The following ANKRD44 variants were observed in gnomAD, a reference collection of about 807,000 sequenced individuals.
ANKRD44 encodes ankyrin repeat domain 44, also known as serine/threonine-protein phosphatase 6 regulatory ankyrin repeat subunit B.
Under a neutral mutation model 116.0 loss-of-function variants are expected in ANKRD44, and 35 were observed. The ratio of observed to expected loss-of-function variants is 0.30; its 90% CI spans 0.23 to 0.40. The LOEUF (loss-of-function observed/expected upper bound fraction) is 0.40. Among genes scored for constraint, ANKRD44 ranks in the 10% least tolerant of loss-of-function variants. ANKRD44 has a pLI of 1.00. For synonymous variants in ANKRD44, 435 were observed against 461.8 expected (o/e 0.94, Z 0.74); for missense variants, 1,014 against 1,242.6 (o/e 0.82, Z 2.77).
chr2:197,245,344 C>G (rs10755015), intron 1 of ANKRD44, among the ~76,000 whole-genome samples: 52,979 of 152,074 alleles, frequency 0.35, 11,404 homozygotes, highest in East Asian at 0.63. Context: ...TATAAGCAAT[C>G]TAGAGATGAT....
chr2:197,182,392 T>C (rs2080531391), intron 2 of ANKRD44, among the ~76,000 whole-genome samples: 1 of 152,184 alleles, frequency 6.6e-6, no homozygotes, highest in African/African-American at 2.4e-5. Flanking sequence ...TTTCCAGTCT[T>C]ACAAATGATA....
intron 16 of ANKRD44, among the ~76,000 whole-genome samples, chr2:197,026,363 T>C (rs2124845644): frequency 6.6e-6 from 1 of 152,324 alleles, no homozygotes; most frequent in African/African-American, 2.4e-5. Flanking sequence ...GAGGGGAGAT[T>C]AGTTTGTAAC....
intron 21 of ANKRD44, among the ~76,000 whole-genome samples, chr2:196,977,339 G>C (rs1172641042): frequency 1.3e-5 from 2 of 152,082 alleles, no homozygotes; most frequent in Non-Finnish European, 2.9e-5. Flanking sequence ...GAAGTAGACA[G>C]TGGTTTTCTA....
At chr2:197,106,747 G>A (rs1263333838) in intron 9 of ANKRD44, among the ~76,000 whole-genome samples, 2 of 150,046 alleles carry the variant, frequency 1.3e-5, no homozygotes, top group Non-Finnish European at 3.0e-5. Context: ...CTGAGATGGT[G>A]CCACTGCACT....
chr2:197,055,496 C>T (rs1366299902), intron 16 of ANKRD44, among the ~76,000 whole-genome samples: 2 of 152,098 alleles, frequency 1.3e-5, no homozygotes, highest in African/African-American at 2.4e-5. Flanking sequence ...ATTAATTTTG[C>T]ATCTTATTAA....
chr2:197,300,096 A>C (rs1013978811), intron 1 of ANKRD44, among the ~76,000 whole-genome samples: 8 of 152,250 alleles, frequency 5.3e-5, no homozygotes, highest in Non-Finnish European at 1.2e-4. Flanking sequence ...ATTTGTAAAA[A>C]GTCATGTGCA....
chr2:197,009,276 G>C (rs2125914614), intron 18 of ANKRD44, among the ~76,000 whole-genome samples: 1 of 151,756 alleles, frequency 6.6e-6, no homozygotes, highest in Admixed American at 6.6e-5. Flanking sequence ...ATTTTTAGTA[G>C]AGACAGGGTC....
At chr2:197,138,105 A>G (rs979124192) in intron 3 of ANKRD44, among the ~76,000 whole-genome samples, 2 of 152,228 alleles carry the variant, frequency 1.3e-5, no homozygotes, top group Non-Finnish European at 2.9e-5. Flanking sequence ...CGAGGCTAAC[A>G]ACAACAGTAA....
chr2:196,979,921 T>C (rs2075788993), intron 21 of ANKRD44, among the ~76,000 whole-genome samples: 1 of 152,056 alleles, frequency 6.6e-6, no homozygotes, highest in South Asian at 2.1e-4. Context: ...ACAACCAGCA[T>C]CTTAGCAACA....
intron 2 of ANKRD44, among the ~76,000 whole-genome samples, chr2:197,172,191 G>C (rs996932130): frequency 2.6e-5 from 4 of 151,834 alleles, no homozygotes; most frequent in African/African-American, 9.7e-5. Flanking sequence ...AGTAGAGAGG[G>C]GGGCTTCACC....
intron 1 of ANKRD44, among the ~76,000 whole-genome samples, chr2:197,309,672 G>C (rs906293522): frequency 3.9e-5 from 6 of 152,140 alleles, no homozygotes; most frequent in African/African-American, 7.2e-5. Flanking sequence ...ACGAATAAAC[G>C]GGGGTGGGGG....
At chr2:197,310,068 G>A (rs2105939968) in intron 1 of ANKRD44, among the ~76,000 whole-genome samples, 1 of 152,302 alleles carries the variant, frequency 6.6e-6, no homozygotes, top group Non-Finnish European at 1.5e-5. Context: ...CAACTAAAGA[G>A]GAAGTCGGAT....
At chr2:197,259,933 AAG>A (rs1301174181) in intron 1 of ANKRD44, among the ~76,000 whole-genome samples, 5 of 152,198 alleles carry the variant, frequency 3.3e-5, no homozygotes, top group Admixed American at 3.3e-4. Context: ...GGGAAAAAAA[AAG>A]AAAGAAAGAA....
intron 2 of ANKRD44, among the ~76,000 whole-genome samples, chr2:197,163,304 G>A (rs2080014882): frequency 6.6e-6 from 1 of 152,198 alleles, no homozygotes; most frequent in Non-Finnish European, 1.5e-5. Context: ...CCCCTCCTAT[G>A]AGGGCTGCCT....
chr2:197,206,871 G>A (rs1388960596), intron 1 of ANKRD44, among the ~76,000 whole-genome samples: 1 of 152,098 alleles, frequency 6.6e-6, no homozygotes, highest in African/African-American at 2.4e-5. Flanking sequence ...TTATTGCAAG[G>A]CCAGTACTCT....
At chr2:197,287,654 G>A (rs2083442811) in intron 1 of ANKRD44, among the ~76,000 whole-genome samples, 1 of 152,160 alleles carries the variant, frequency 6.6e-6, no homozygotes, top group Non-Finnish European at 1.5e-5. Flanking sequence ...TAAAGTAACT[G>A]CTGAGATATA....
chr2:197,045,376 T>C (rs1453537714), intron 16 of ANKRD44, among the ~76,000 whole-genome samples: 1 of 152,202 alleles, frequency 6.6e-6, no homozygotes, highest in Non-Finnish European at 1.5e-5. Flanking sequence ...CCACTAACAG[T>C]AGAGACTTAA....
At chr2:196,975,261 G>A (rs2075748489) in intron 21 of ANKRD44, among the ~76,000 whole-genome samples, 1 of 152,052 alleles carries the variant, frequency 6.6e-6, no homozygotes, top group Non-Finnish European at 1.5e-5. Flanking sequence ...ACTGACTCAA[G>A]AAGAAATAGA....
chr2:197,090,573 A>AG (rs1432113502), intron 10 of ANKRD44, among the ~76,000 whole-genome samples: 1 of 150,518 alleles, frequency 6.6e-6, no homozygotes, highest in Non-Finnish European at 1.5e-5. Flanking sequence ...TGATAGAGGC[A>AG]GGGGGCAGAG....
Sources: gnomAD v4.1 joint callset for allele counts (sites outside exome capture counted in the v4.1 genomes callset) on GRCh38, gnomAD v4.1.1 for gene constraint, MANE v1.5 for transcripts, NCBI Gene and HGNC (gene_info 2026-07-23, HGNC 2026-07-21) for gene names.